CPPED1: variants seen among roughly 807,000 people sequenced by gnomAD.
The protein encoded by CPPED1 is serine/threonine-protein phosphatase CPPED1.
In CPPED1, 28 loss-of-function variants were observed where a neutral mutation model predicts 28.0. The observed-to-expected ratio is 1.00, with a 90% CI of 0.74 to 1.37. CPPED1 has a LOEUF of 1.37. Among genes scored for constraint, CPPED1 ranks in the 40% most tolerant of loss-of-function variants. The pLI is 0.00. For missense variants in CPPED1, 504 were observed against 416.5 expected (o/e 1.21, Z -1.83); for synonymous variants, 198 against 180.2 (o/e 1.10, Z -0.79).
chr16:12,760,807 C>G (rs1226132810), intron 2 of CPPED1: 1 of 152,202 alleles, frequency 6.6e-6, no homozygotes, highest in Non-Finnish European at 1.5e-5. Context: ...AGGCCAGGAT[C>G]ATCCTACTAA....
At chr16:12,759,034 G>T (rs968437642) in intron 2 of CPPED1, among the ~76,000 whole-genome samples, 3 of 151,722 alleles carry the variant, frequency 2.0e-5, no homozygotes, top group Non-Finnish European at 4.4e-5. Flanking sequence ...ATGGTGGCAT[G>T]TATCTGCAGT....
rs143447238 is a variant in CPPED1, at chr16:12,724,809, C to T, written c.290-19760G>A. Among the ~76,000 whole-genome samples the T allele has an allele frequency of 1.8e-3, 280 of 152,056 alleles. 3 individuals carry two copies. The highest frequency in any genetic ancestry group is 6.5e-3 in the African/African-American group (268 of 41,502). ...CGATTCTTTTTCTTTTTTTTTGAGA[C>T]GGAGTGTCACTCTGTCACCCAGACT... On this transcript the variant is annotated intron_variant, in intron 2 of 3. Transcript: ENST00000381774.
intron 3 of CPPED1, among the ~76,000 whole-genome samples, chr16:12,685,558 T>C (rs1002453396): frequency 2.0e-5 from 3 of 152,230 alleles, no homozygotes; most frequent in African/African-American, 7.2e-5. Context: ...CACTGTCTAC[T>C]GCATGCCGGG....
chr16:12,765,491 T>C (rs1360200504), intron 2 of CPPED1, among the ~76,000 whole-genome samples: 9 of 152,268 alleles, frequency 5.9e-5, no homozygotes, highest in African/African-American at 1.7e-4. Flanking sequence ...ATATAAAATA[T>C]GCTTTAATGT....
chr16:12,771,719 C>T (rs73508418), intron 2 of CPPED1, among the ~76,000 whole-genome samples: 2,781 of 152,326 alleles, frequency 0.018, 78 homozygotes, highest in African/African-American at 0.064. Flanking sequence ...GATTGTGGAA[C>T]CACAGAAAAA....
intron 2 of CPPED1, among the ~76,000 whole-genome samples, chr16:12,739,726 C>T (rs2865616): frequency 0.78 from 118,843 of 152,040 alleles, 46,504 homozygotes; most frequent in Admixed American, 0.85. Flanking sequence ...CAACATGGTT[C>T]GCAGCCTCCT....
chr16:12,765,184 C>G (rs984464092), intron 2 of CPPED1, among the ~76,000 whole-genome samples: 1 of 152,222 alleles, frequency 6.6e-6, no homozygotes, highest in South Asian at 2.1e-4. Context: ...ATTATCTCTT[C>G]CTAATTAATG....
chr16:12,769,585 G>C (rs550552604), intron 2 of CPPED1, among the ~76,000 whole-genome samples: 50 of 152,272 alleles, frequency 3.3e-4, no homozygotes, highest in Admixed American at 2.0e-3. Flanking sequence ...AGGTAAATTA[G>C]TTCCAACCAC....
intron 1 of CPPED1, among the ~76,000 whole-genome samples, chr16:12,782,785 C>T (rs777011306): frequency 1.2e-4 from 18 of 151,876 alleles, no homozygotes; most frequent in African/African-American, 4.3e-4. Flanking sequence ...GCACAAGAAT[C>T]GCTTGAACCC....
At chr16:12,785,994 T>C (rs2080560932) in intron 1 of CPPED1, among the ~76,000 whole-genome samples, 2 of 151,368 alleles carry the variant, frequency 1.3e-5, no homozygotes, top group African/African-American at 4.9e-5. Flanking sequence ...CTACCTTTCC[T>C]AGCTTAAATA....
At position 12,692,936 on chromosome 16, in the gene CPPED1, T is replaced by C. The variant is rs191247147; in HGVS notation, c.715+11688A>G. Reference sequence around the variant, plus strand: ...GACATGGCCCCTTCTATCTGGACAATGTTACTGCAGGGAATAGTACCCTCA... The same window carrying C: ...GACATGGCCCCTTCTATCTGGACAACGTTACTGCAGGGAATAGTACCCTCA... On this transcript the variant is annotated intron_variant, in intron 3 of 3. Coordinates refer to ENST00000381774, the MANE Select transcript of CPPED1 (RefSeq NM_018340.3). Among the ~76,000 whole-genome samples, 199 of 152,310 alleles carry C rather than the reference T, an allele frequency of 1.3e-3. 2 individuals carry two copies. Among genetic ancestry groups the C allele is most frequent in the African/African-American group, 4.6e-3 (191 of 41,578 alleles).
At chr16:12,798,071 A>C (rs975726887) in intron 1 of CPPED1, among the ~76,000 whole-genome samples, 1 of 152,208 alleles carries the variant, frequency 6.6e-6, no homozygotes, top group Non-Finnish European at 1.5e-5. Flanking sequence ...GTGACAGAGC[A>C]AGACCACCTC....
intron 2 of CPPED1, among the ~76,000 whole-genome samples, chr16:12,718,672 T>G (rs2080120988): frequency 6.6e-6 from 1 of 151,798 alleles, no homozygotes; most frequent in South Asian, 2.1e-4. Flanking sequence ...AATCTGAAAA[T>G]GCACATTCAG....
intron 2 of CPPED1, among the ~76,000 whole-genome samples, chr16:12,740,054 G>T (rs935224342): frequency 1.3e-5 from 2 of 149,578 alleles, no homozygotes; most frequent in Admixed American, 1.3e-4. Flanking sequence ...GAAAAGAAAA[G>T]GAAGGAGAAA....
chr16:12,748,054 G>A (rs960254174), intron 2 of CPPED1, among the ~76,000 whole-genome samples: 4 of 152,152 alleles, frequency 2.6e-5, no homozygotes, highest in Non-Finnish European at 5.9e-5. Context: ...TCTGCTATGC[G>A]TATAAATTAA....
intron 2 of CPPED1, among the ~76,000 whole-genome samples, chr16:12,730,545 T>C (rs2080191891): frequency 6.6e-6 from 1 of 152,114 alleles, no homozygotes; most frequent in African/African-American, 2.4e-5. Context: ...AACCTAGAGA[T>C]CCATTAGCAG....
chr16:12,772,152 A>AG (rs2080473979), intron 2 of CPPED1, among the ~76,000 whole-genome samples: 1 of 152,120 alleles, frequency 6.6e-6, no homozygotes, highest in Admixed American at 6.5e-5. Flanking sequence ...ACAAAAAAAA[A>AG]CAAAATTCCT....
At chr16:12,772,045 C>A (rs948042456) in intron 2 of CPPED1, among the ~76,000 whole-genome samples, 2 of 152,156 alleles carry the variant, frequency 1.3e-5, no homozygotes, top group Non-Finnish European at 1.5e-5. Flanking sequence ...ATTGCTTGAA[C>A]CCGGGAGGCG....
chr16:12,768,019 A>C (rs1370866463), intron 2 of CPPED1, among the ~76,000 whole-genome samples: 2 of 152,144 alleles, frequency 1.3e-5, no homozygotes, highest in African/African-American at 4.8e-5. Context: ...CCCCAGAAGG[A>C]AAGTTTCATA....
Sources: gnomAD v4.1 joint callset for allele counts (sites outside exome capture counted in the v4.1 genomes callset) on GRCh38, gnomAD v4.1.1 for gene constraint, MANE v1.5 for transcripts, NCBI Gene and HGNC (gene_info 2026-07-23, HGNC 2026-07-21) for gene names.